Variants in GPR137 observed in about 807,000 individuals in gnomAD.
GPR137 encodes the protein G protein-coupled receptor 137.
GPR137 carries 20 observed loss-of-function variants against 38.9 expected under a neutral mutation model. That is an observed-to-expected ratio of 0.51 (90% confidence interval 0.36 to 0.75). The LOEUF is 0.75. Ranked by LOEUF, GPR137 falls within the 30% of genes least tolerant of loss-of-function variation. GPR137 has a pLI of 0.00. For synonymous variants in GPR137, 226 were observed against 235.8 expected, an observed-to-expected ratio of 0.96 and a Z score of 0.38; for missense variants, 456 against 526.4, an observed-to-expected ratio of 0.87 and a Z score of 1.31.
chr11:64,285,811 G>T (rs1169891891), upstream of GPR137: 14 of 985,212 alleles, frequency 1.4e-5, no homozygotes, highest in Non-Finnish European at 1.7e-5. Flanking sequence ...TTTGCGTAGC[G>T]AACGGCGCCC....
rs762633978 is a variant in GPR137, at chr11:64,286,470, T to G, written c.-55T>G. Reference sequence around the variant, plus strand: ...CACCCCTCCGTATTTATTTCCCTGGTCCCGCCGACAGTCCCTCCTTGTCTG... The same window carrying G: ...CACCCCTCCGTATTTATTTCCCTGGGCCCGCCGACAGTCCCTCCTTGTCTG... On this transcript the variant is annotated 5_prime_UTR_variant, in exon 1 of 7. Coordinates refer to ENST00000438980, the MANE Select transcript of GPR137 (RefSeq NM_001170880.2). 15 of 1,559,030 alleles carry G rather than the reference T, an allele frequency of 9.6e-6. No homozygotes were observed. The highest frequency in any genetic ancestry group is 1.3e-5 in the Non-Finnish European group (15 of 1,150,512).
intron 2 of GPR137, among the ~76,000 whole-genome samples, chr11:64,277,407 G>T (rs1428774821): frequency 6.6e-6 from 1 of 152,188 alleles, no homozygotes; most frequent in Non-Finnish European, 1.5e-5. Context: ...CATAAAATCA[G>T]AAAGTACTCT....
At chr11:64,285,552 G>A (rs944558990), upstream of GPR137, 2 of 984,068 alleles carry the variant, frequency 2.0e-6, no homozygotes, top group Non-Finnish European at 1.2e-6. Context: ...CGGGCGGCAC[G>A]ACCCCGATTT....
At chr11:64,273,752 G>T (rs2135101914), upstream of GPR137, among the ~76,000 whole-genome samples, 2 of 149,374 alleles carry the variant, frequency 1.3e-5, no homozygotes, top group Middle Eastern at 7.1e-3. Context: ...CGCGGTGGCA[G>T]GCACCTGTAA....
rs768937513 is a variant in GPR137, at chr11:64,289,234, C to G, written c.*38C>G. On this transcript the variant is annotated 3_prime_UTR_variant, in exon 7 of 7. Transcript: ENST00000438980. ...CCCCACAGAATACCCAGGCCCCAGT[C>G]CCCCTCACCCTAGGCCCCTGTGCCA... 1 of 1,606,880 alleles carries G rather than the reference C, an allele frequency of 6.2e-7. No individual in the cohort carries two copies. Among genetic ancestry groups the G allele is most frequent in the Non-Finnish European group, 8.5e-7 (1 of 1,173,860 alleles).
Position 64,288,549 on chromosome 11 carries a change from C to T in GPR137, c.913-54C>T. 6 of 1,613,218 alleles carry T rather than the reference C, an allele frequency of 3.7e-6. No homozygotes were observed. Among genetic ancestry groups the T allele is most frequent in the South Asian group, 3.3e-5 (3 of 91,040 alleles). On this transcript the variant is annotated intron_variant, in intron 5 of 6. Coordinates refer to ENST00000438980, the MANE Select transcript of GPR137 (RefSeq NM_001170880.2). The surrounding 1 kb of genome is among the most constrained non-coding windows in gnomAD (Gnocchi z 5.5). ...CCTGGGTTGGAGTCTGGGGTTGGGC[C>T]TGGGAGGCCAGTGCAGGACAGGAGT...
At chr11:64,280,609 C>T (rs1180828051), upstream of GPR137, among the ~76,000 whole-genome samples, 1 of 151,212 alleles carries the variant, frequency 6.6e-6, no homozygotes, top group Non-Finnish European at 1.5e-5. Context: ...CCTCGGCCTC[C>T]CAAAGTGCTG....
chr11:64,271,491 G>C (rs957401223), upstream of GPR137: 1 of 1,049,788 alleles, frequency 9.5e-7, no homozygotes, highest in African/African-American at 1.7e-5. Flanking sequence ...GAAGGAACAG[G>C]ACGGCTTTGG....
At chr11:64,284,350 A>C (rs375409072), upstream of GPR137, 85 of 1,612,722 alleles carry the variant, frequency 5.3e-5, no homozygotes, top group Non-Finnish European at 7.0e-5. Context: ...CTCGGCTCAA[A>C]CTCTGGGATC....
At chr11:64,284,769 T>C (rs375058825), upstream of GPR137, 9 of 1,535,252 alleles carry the variant, frequency 5.9e-6, 1 homozygote, top group African/African-American at 6.8e-5. Context: ...CTCGGGTAGG[T>C]CCAGAGGCGG....
chr11:64,273,838 C>G (rs1420793487), upstream of GPR137, among the ~76,000 whole-genome samples: 1 of 140,606 alleles, frequency 7.1e-6, no homozygotes, highest in African/African-American at 2.7e-5. Flanking sequence ...GCCAAGATCA[C>G]GCCACTGCAC....
At chr11:64,284,851 T>TA, upstream of GPR137, 1 of 1,491,160 alleles carries the variant, frequency 6.7e-7, no homozygotes, top group Middle Eastern at 1.7e-4. Context: ...TCCTCCCTCC[T>TA]TCGGCCCCGG....
In GPR137 at chr11:64,286,368, T is replaced by C; in HGVS notation, c.-157T>C. On this transcript the variant is annotated 5_prime_UTR_variant, in exon 1 of 7. Coordinates refer to ENST00000438980, the MANE Select transcript of GPR137 (RefSeq NM_001170880.2). ...TTCCCCAAGGGCAAGGGTCTCTCTG[T>C]TGAGGAGGAGGGGCCTGTCAGCCAC... is the stretch of plus-strand genomic sequence containing the variant. 7.0e-7 allele frequency: 1 copy of C among 1,420,224 alleles called. No homozygotes were observed. 88.0% of individuals were successfully genotyped at this position (1,420,224 alleles called of 1,614,324 possible).
At chr11:64,285,763 C>T, upstream of GPR137, 1 of 985,370 alleles carries the variant, frequency 1.0e-6, no homozygotes, top group Non-Finnish European at 1.2e-6. Context: ...ACGCCGGGTG[C>T]GGCGCTGGAC....
upstream of GPR137, chr11:64,271,506 G>A: frequency 8.6e-7 from 1 of 1,168,356 alleles, no homozygotes; most frequent in Non-Finnish European, 1.1e-6. Flanking sequence ...CTTTGGGGAG[G>A]GGTCGTGGGA....
At chr11:64,279,372 T>C (rs2033276586), upstream of GPR137, among the ~76,000 whole-genome samples, 2 of 152,104 alleles carry the variant, frequency 1.3e-5, no homozygotes, top group South Asian at 4.1e-4. Flanking sequence ...CTGAAGCCCC[T>C]ACCCCTAACT....
At position 64,286,255 on chromosome 11, in the gene GPR137, C is replaced by A. The variant is rs1286627319; in HGVS notation, c.-270C>A. ...CTGGGGTAGGCCCAGGGAGGAGACACCCCCAACCCCTATCCGGTCTGTCCT... is the reference window on the plus strand; with the variant it reads ...CTGGGGTAGGCCCAGGGAGGAGACAACCCCAACCCCTATCCGGTCTGTCCT... On this transcript the variant is annotated 5_prime_UTR_variant, in exon 1 of 7. Coordinates refer to ENST00000438980, the MANE Select transcript of GPR137 (RefSeq NM_001170880.2). 2 of 1,302,962 alleles carry A rather than the reference C, an allele frequency of 1.5e-6. No individual in the cohort carries two copies. Among genetic ancestry groups the A allele is most frequent in the Non-Finnish European group, 1.9e-6 (2 of 1,025,994 alleles). 80.7% of individuals were successfully genotyped at this position (1,302,962 alleles called of 1,614,324 possible).
chr11:64,285,115 G>A (rs1337644872), upstream of GPR137: 1 of 1,041,472 alleles, frequency 9.6e-7, no homozygotes, highest in Admixed American at 5.4e-5. Flanking sequence ...CGTCGGATGT[G>A]ATTATTGTTG....
chr11:64,277,988 C>T (rs56057146), intron 2 of GPR137, among the ~76,000 whole-genome samples: 33,483 of 152,006 alleles, frequency 0.22, 4,687 homozygotes, highest in Non-Finnish European at 0.32. Flanking sequence ...GGATTTTTGT[C>T]CATAACTTAA....
Sources: allele counts gnomAD v4.1 joint callset (sites outside exome capture counted in the v4.1 genomes callset), GRCh38; gene constraint gnomAD v4.1.1; non-coding constraint Gnocchi (gnomAD v3.1); transcripts MANE v1.5; gene names NCBI Gene and HGNC (gene_info 2026-07-23, HGNC 2026-07-21).